SYT16: variants seen among roughly 807,000 people sequenced by gnomAD.
The protein encoded by SYT16 is synaptotagmin 16.
Under a neutral mutation model 61.4 loss-of-function variants are expected in SYT16, and 42 were observed. The ratio of observed to expected loss-of-function variants is 0.68; its 90% CI spans 0.53 to 0.89. The LOEUF (loss-of-function observed/expected upper bound fraction) is 0.89. SYT16 is among the 40% of genes least tolerant of loss of function. The pLI is 0.00. For missense variants in SYT16, 804 were observed against 807.3 expected, an observed-to-expected ratio of 1.00 and a Z score of 0.05; for synonymous variants, 314 against 302.3, an observed-to-expected ratio of 1.04 and a Z score of -0.40.
chr14:62,040,285 C>T (rs2054675592), intron 3 of SYT16, among the ~76,000 whole-genome samples: 1 of 152,132 alleles, frequency 6.6e-6, no homozygotes, highest in East Asian at 1.9e-4. Context: ...TGGTTTTCTA[C>T]AAGAAAATCA....
intron 1 of SYT16, among the ~76,000 whole-genome samples, chr14:61,859,061 A>T (rs368578501): frequency 6.6e-6 from 1 of 151,240 alleles, no homozygotes; most frequent in Middle Eastern, 3.4e-3. Flanking sequence ...GGGTTTCACC[A>T]TGTTAGCCAG....
chr14:61,896,639 T>A lies in SYT16; in HGVS notation c.-324-73493T>A, dbSNP rs550756358. Among the ~76,000 whole-genome samples, 54 of 152,216 alleles carry A rather than the reference T, an allele frequency of 3.5e-4. No homozygotes were observed. In the South Asian group the frequency reaches 8.1e-3, roughly 23 times the overall value. On this transcript the variant is annotated intron_variant, in intron 1 of 7. Coordinates refer to ENST00000683842, the MANE Select transcript of SYT16 (RefSeq NM_001367656.1). Reference sequence around the variant, plus strand: ...TATAGACTACAGAAAGAAATAGAGGTTTTTGGACTGAATACATGCCCATTC... The same window carrying A: ...TATAGACTACAGAAAGAAATAGAGGATTTTGGACTGAATACATGCCCATTC...
chr14:61,911,003 C>T (rs2048913620), intron 1 of SYT16, among the ~76,000 whole-genome samples: 1 of 152,226 alleles, frequency 6.6e-6, no homozygotes, highest in African/African-American at 2.4e-5. Context: ...GTTCCTCATT[C>T]TCTGGCAACA....
chr14:61,822,392 C>G (rs911171452), intron 1 of SYT16, among the ~76,000 whole-genome samples: 37 of 152,320 alleles, frequency 2.4e-4, no homozygotes, highest in African/African-American at 8.9e-4. Context: ...GTCTGCTTCT[C>G]TTAGGCCACT....
At chr14:61,820,336 C>T (rs2045572142) in intron 1 of SYT16, among the ~76,000 whole-genome samples, 4 of 152,144 alleles carry the variant, frequency 2.6e-5, no homozygotes, top group Admixed American at 1.3e-4. Context: ...ATTTAAGAGG[C>T]AAGAGGGTTT....
intron 1 of SYT16, among the ~76,000 whole-genome samples, chr14:61,920,954 TA>T: frequency 6.6e-6 from 1 of 152,186 alleles, no homozygotes. Flanking sequence ...TCATAACTAC[TA>T]GGTTAAGCAA....
At chr14:61,873,131 T>C (rs2047381819) in intron 1 of SYT16, among the ~76,000 whole-genome samples, 1 of 152,244 alleles carries the variant, frequency 6.6e-6, no homozygotes, top group African/African-American at 2.4e-5. Context: ...AGATCCTTCC[T>C]GGGAAAAGAG....
At position 62,016,489 on chromosome 14, in the gene SYT16, T is replaced by G. The variant is rs191019527; in HGVS notation, c.523+19947T>G. On this transcript the variant is annotated intron_variant, in intron 3 of 7. Transcript: ENST00000683842. Reference sequence around the variant, plus strand: ...CGGGCAGATCACAAGGTCAGGAGTTTGAGACCATCTTGGCTAACACGGTGT... The same window carrying G: ...CGGGCAGATCACAAGGTCAGGAGTTGGAGACCATCTTGGCTAACACGGTGT... 7.4e-5 allele frequency among the ~76,000 whole-genome samples: 11 copies of G among 148,760 alleles called. No homozygotes were observed. The East Asian group carries it at 2.2e-3, about 29-fold the overall frequency.
chr14:61,902,059 GA>G (rs1225609425), intron 1 of SYT16, among the ~76,000 whole-genome samples: 2 of 152,130 alleles, frequency 1.3e-5, no homozygotes, highest in African/African-American at 2.4e-5. Flanking sequence ...CACCGTTCCA[GA>G]CCTGCTTATA....
intron 1 of SYT16, among the ~76,000 whole-genome samples, chr14:61,856,008 A>G (rs1015108777): frequency 2.0e-5 from 3 of 152,234 alleles, no homozygotes; most frequent in African/African-American, 7.2e-5. Context: ...TATAAAAAGG[A>G]GGAGCCAGGA....
intron 3 of SYT16, among the ~76,000 whole-genome samples, chr14:62,050,699 C>T (rs1403471664): frequency 6.6e-6 from 1 of 152,146 alleles, no homozygotes; most frequent in East Asian, 1.9e-4. Flanking sequence ...CAGTCAGGAC[C>T]CTCAGCTGCA....
intron 3 of SYT16, among the ~76,000 whole-genome samples, chr14:62,010,646 A>T (rs2053408756): frequency 6.6e-6 from 1 of 152,176 alleles, no homozygotes; most frequent in Non-Finnish European, 1.5e-5. Flanking sequence ...GATGTCAGGT[A>T]TAGGATCATC....
intron 3 of SYT16, among the ~76,000 whole-genome samples, chr14:62,066,414 G>GCA (rs1218844410): frequency 6.6e-6 from 1 of 152,202 alleles, no homozygotes; most frequent in African/African-American, 2.4e-5. Flanking sequence ...AGTTGTAAAG[G>GCA]TTTTGTGTGT....
intron 1 of SYT16, among the ~76,000 whole-genome samples, chr14:61,832,595 C>T (rs1457932226): frequency 2.0e-5 from 3 of 152,116 alleles, no homozygotes; most frequent in Admixed American, 1.3e-4. Context: ...CGCCACCATG[C>T]CTGGCTAATT....
intron 3 of SYT16, among the ~76,000 whole-genome samples, chr14:62,022,089 A>C (rs564630553): frequency 6.6e-6 from 1 of 151,378 alleles, no homozygotes; most frequent in African/African-American, 2.4e-5. Flanking sequence ...CAATGGGAAG[A>C]GTATTATAAT....
chr14:62,032,821 T>TC (rs1487782157), intron 3 of SYT16, among the ~76,000 whole-genome samples: 2 of 151,926 alleles, frequency 1.3e-5, no homozygotes, highest in Non-Finnish European at 2.9e-5. Flanking sequence ...GTAAACACAA[T>TC]CTTTTTTTTT....
chr14:62,007,165 A>G (rs769518014), intron 3 of SYT16, among the ~76,000 whole-genome samples: 4 of 152,176 alleles, frequency 2.6e-5, no homozygotes, highest in Admixed American at 6.6e-5. Flanking sequence ...CAGATAATAT[A>G]GCTGATCCAC....
chr14:61,873,828 T>C (rs2047404866), intron 1 of SYT16, among the ~76,000 whole-genome samples: 1 of 152,214 alleles, frequency 6.6e-6, no homozygotes, highest in African/African-American at 2.4e-5. Context: ...TGTGGTCTTT[T>C]AGGAAACCAT....
In SYT16 at chr14:61,938,026, A is replaced by AACACACACACACACACACACACACAC. The variant is rs3071213; in HGVS notation, c.-324-32098_-324-32073dup. Among the ~76,000 whole-genome samples, 64 of 135,730 alleles carry AACACACACACACACACACACACACAC rather than the reference A, an allele frequency of 4.7e-4. 1 individual carries two copies. Among genetic ancestry groups the AACACACACACACACACACACACACAC allele is most frequent in the South Asian group, 2.1e-3 (8 of 3,766 alleles). 89.0% of individuals were successfully genotyped at this position (135,730 alleles called of 152,430 possible). On this transcript the variant is annotated intron_variant, in intron 1 of 7. Transcript: ENST00000683842. ...CTGTTGCCCCAACCTCCTACCCCGC[A>AACACACACACACACACACACACACAC]ACACACACACACACACACACACACA...
Sources: allele counts gnomAD v4.1 joint callset (sites outside exome capture counted in the v4.1 genomes callset), GRCh38; gene constraint gnomAD v4.1.1; transcripts MANE v1.5; gene names NCBI Gene and HGNC (gene_info 2026-07-23, HGNC 2026-07-21).